ITSN2: variants seen among roughly 807,000 people sequenced by gnomAD.
The protein encoded by ITSN2 is intersectin 2.
In ITSN2, 156 loss-of-function variants were observed where a neutral mutation model predicts 243.7. The observed-to-expected ratio is 0.64, with a 90% CI of 0.56 to 0.73. ITSN2 has a LOEUF of 0.73. Ranked by LOEUF, ITSN2 falls within the 30% of genes least tolerant of loss-of-function variation. The pLI, the probability that ITSN2 is intolerant of heterozygous loss-of-function variation, is 0.00. For synonymous variants in ITSN2, 703 were observed against 699.9 expected (o/e 1.00, Z -0.07); for missense variants, 1,801 against 1,996.1 (o/e 0.90, Z 1.86).
chr2:24,229,759 C>T (rs149009239), intron 29 of ITSN2, among the ~76,000 whole-genome samples: 37 of 152,276 alleles, frequency 2.4e-4, no homozygotes, highest in African/African-American at 7.9e-4. Context: ...TAGCCTCCTC[C>T]GTTATTTTAC....
At chr2:24,300,919 T>C (rs1681641282) in intron 11 of ITSN2, among the ~76,000 whole-genome samples, 1 of 152,212 alleles carries the variant, frequency 6.6e-6, no homozygotes, top group African/African-American at 2.4e-5. Context: ...ATACTTTAAC[T>C]CAGATGTCTA....
At chr2:24,213,121 C>T (rs1465477210) in intron 32 of ITSN2, among the ~76,000 whole-genome samples, 1 of 152,144 alleles carries the variant, frequency 6.6e-6, no homozygotes, top group Admixed American at 6.5e-5. Context: ...TGTGCTGGGA[C>T]TGTCCCCTGC....
At chr2:24,315,261 G>A (rs1558614513) in intron 2 of ITSN2, 37 bp from the exon 3 acceptor site, 2 of 1,108,090 alleles carry the variant, frequency 1.8e-6, no homozygotes, top group Non-Finnish European at 1.4e-6. Context: ...GTGTATACAT[G>A]AGAATGCTTA....
chr2:24,251,834 T>C (rs1247916194), intron 25 of ITSN2, among the ~76,000 whole-genome samples: 2 of 152,098 alleles, frequency 1.3e-5, no homozygotes, highest in Non-Finnish European at 2.9e-5. Flanking sequence ...TCATTAGCTA[T>C]ACTGAACATA....
intron 36 of ITSN2, 72 bp from the exon 37 acceptor site, chr2:24,208,391 G>C: frequency 9.0e-7 from 1 of 1,108,348 alleles, no homozygotes; most frequent in Non-Finnish European, 1.4e-6. Context: ...CCAGAGCTCT[G>C]CACATGTTCT....
At chr2:24,347,360 A>T (rs934563208) in intron 1 of ITSN2, among the ~76,000 whole-genome samples, 11 of 148,210 alleles carry the variant, frequency 7.4e-5, no homozygotes, top group African/African-American at 2.5e-4. Flanking sequence ...AGGAGATAGG[A>T]TATGTTTATT....
intron 12 of ITSN2, 61 bp from the exon 13 acceptor site, chr2:24,298,875 C>T: frequency 6.8e-7 from 1 of 1,480,046 alleles, no homozygotes; most frequent in East Asian, 2.3e-5. Flanking sequence ...GATTCAAAAA[C>T]TGGGAAGACA....
chr2:24,207,069 G>GA (rs1436685494), intron 37 of ITSN2, among the ~76,000 whole-genome samples: 2 of 152,024 alleles, frequency 1.3e-5, no homozygotes, highest in African/African-American at 2.4e-5. Context: ...TAGTAGTGGG[G>GA]ATGGGCCCTG....
Position 24,302,185 on chromosome 2 carries a change from T to TTTTATTTA in ITSN2, c.858-91_858-84dup, listed in dbSNP as rs200718095. On this transcript the variant is annotated intron_variant, in intron 9 of 39. Coordinates refer to ENST00000355123, the MANE Select transcript of ITSN2 (RefSeq NM_006277.3). The stretch of plus-strand genomic sequence containing the variant: ...CTTAAAAGTTCAATTTTTATTTTAC[T>TTTTATTTA]TTTATTTATTTATTTATTTATTTAT... 1.2e-4 allele frequency: 92 copies of TTTTATTTA among 774,550 alleles called. No homozygotes were observed. The East Asian group carries it at 2.5e-3, about 21-fold the overall frequency. The allele number at this position is 774,550 out of a possible 1,614,324, so 48.0% of individuals were successfully genotyped here. A position where few individuals can be genotyped will look rare whatever the true frequency, so the allele number is the denominator to read the frequency against.
intron 16 of ITSN2, among the ~76,000 whole-genome samples, chr2:24,285,944 T>C (rs1679442257): frequency 6.6e-6 from 1 of 152,188 alleles, no homozygotes. Flanking sequence ...ACAAAGGCAA[T>C]TGTTCTGGAA....
intron 8 of ITSN2, among the ~76,000 whole-genome samples, chr2:24,306,023 A>C (rs568697711): frequency 4.6e-5 from 7 of 152,312 alleles, no homozygotes; most frequent in African/African-American, 1.7e-4. Flanking sequence ...TCTGTCACCC[A>C]GGCTGGAGTG....
rs747264473 is a variant in ITSN2 at position 24,209,806 on chromosome 2, C to T, written c.4473+12G>A. 1.2e-5 allele frequency: 19 copies of T among 1,606,940 alleles called. No individual in the cohort carries two copies. The highest frequency in any genetic ancestry group is 1.7e-5 in the Admixed American group (1 of 60,012). ...AGGCCCCTGATGCTACCCCCAGACG[C>T]GTGATACTCACCGTTTTATACATTT... On this transcript the variant is annotated intron_variant, in intron 35 of 39. Transcript: ENST00000355123.
At chr2:24,346,895 C>T (rs1388188647) in intron 1 of ITSN2, among the ~76,000 whole-genome samples, 3 of 131,952 alleles carry the variant, frequency 2.3e-5, no homozygotes, top group African/African-American at 8.7e-5. Context: ...GATGGAGTCT[C>T]GCTCTGTCAC....
intron 29 of ITSN2, among the ~76,000 whole-genome samples, chr2:24,229,737 A>C (rs566528159): frequency 2.0e-5 from 3 of 152,282 alleles, no homozygotes; most frequent in Admixed American, 1.3e-4. Context: ...AGAACTTCCT[A>C]ATCTCCCCAG....
At chr2:24,320,223 T>TA (rs1684396454) in intron 2 of ITSN2, among the ~76,000 whole-genome samples, 1 of 149,872 alleles carries the variant, frequency 6.7e-6, no homozygotes, top group Admixed American at 6.6e-5. Flanking sequence ...CAAAAAAACT[T>TA]AAAAAAATTA....
chr2:24,306,090 T>A lies in ITSN2; in HGVS notation c.794-2228A>T, dbSNP rs2384004. ...TGCCTCCCAGGCACAAATAATTCTG[T>A]TGCCTCAGACTCCAGAGTAGCTAGG... is the stretch of plus-strand genomic sequence containing the variant. On this transcript the variant is annotated intron_variant, in intron 8 of 39. Transcript: ENST00000355123. Among the ~76,000 whole-genome samples the A allele has an allele frequency of 1.0e-2, 1,520 of 152,242 alleles. 15 individuals are homozygous for A. Among genetic ancestry groups the A allele is most frequent in the Admixed American group, 0.015 (235 of 15,288 alleles).
intron 17 of ITSN2, among the ~76,000 whole-genome samples, chr2:24,276,876 G>T (rs888902096): frequency 2.0e-5 from 3 of 152,166 alleles, no homozygotes; most frequent in Admixed American, 2.0e-4. Flanking sequence ...CATTAAACTG[G>T]GATAAAGTAA....
chr2:24,348,455 G>C (rs976187733), intron 1 of ITSN2, among the ~76,000 whole-genome samples: 7 of 152,192 alleles, frequency 4.6e-5, no homozygotes, highest in African/African-American at 1.7e-4. Flanking sequence ...TTCCCAAAGT[G>C]CTAGGATTAC....
intron 23 of ITSN2, 136 bp from the exon 24 acceptor site, chr2:24,254,567 G>T: frequency 1.7e-6 from 1 of 585,082 alleles, no homozygotes; most frequent in East Asian, 2.8e-5. Flanking sequence ...TTAGTACACA[G>T]AACTGGGAAG....
Sources: allele counts gnomAD v4.1 joint callset (sites outside exome capture counted in the v4.1 genomes callset), GRCh38; gene constraint gnomAD v4.1.1; transcripts MANE v1.5; gene names NCBI Gene and HGNC (gene_info 2026-07-23, HGNC 2026-07-21).